Variants in PHF20L1 observed in about 807,000 individuals in gnomAD.
PHF20L1 encodes PHD finger protein 20 like 1, also known as PHD finger protein 20-like protein 1.
PHF20L1 carries 44 observed loss-of-function variants against 125.5 expected under a neutral mutation model. That is an observed-to-expected ratio of 0.35 (90% confidence interval 0.28 to 0.45). The LOEUF (loss-of-function observed/expected upper bound fraction) is 0.45, where lower values mean the gene tolerates loss of function less well. PHF20L1 is among the 20% of genes least tolerant of loss of function. The probability of loss-of-function intolerance (pLI) is 1.00; values close to 1 mark genes in which losing one functional copy is unlikely to be tolerated. For missense variants in PHF20L1, 1,012 were observed against 1,217.2 expected, an observed-to-expected ratio of 0.83 and a Z score of 2.51; for synonymous variants, 380 against 403.1, an observed-to-expected ratio of 0.94 and a Z score of 0.69.
At chr8:132,812,414 C>G in intron 9 of PHF20L1, 1 of 984,800 alleles carries the variant, frequency 1.0e-6, no homozygotes, top group African/African-American at 1.7e-5. Context: ...AGGGCAGTAC[C>G]CGTCTTAGAG....
intron 9 of PHF20L1, chr8:132,812,764 C>G: frequency 1.0e-6 from 1 of 983,288 alleles, no homozygotes; most frequent in Non-Finnish European, 1.2e-6. Context: ...CAGCAATAGA[C>G]CTAAAGGAGA....
At chr8:132,837,057 A>T (rs1313684189) in intron 16 of PHF20L1, among the ~76,000 whole-genome samples, 4 of 152,108 alleles carry the variant, frequency 2.6e-5, no homozygotes, top group Non-Finnish European at 4.4e-5. Context: ...GAATTATTAT[A>T]ATAATAATTT....
chr8:132,825,056 C>T (rs1275418433), intron 13 of PHF20L1: 1 of 1,472,604 alleles, frequency 6.8e-7, no homozygotes, highest in East Asian at 3.0e-5. Flanking sequence ...TGGGATTTCT[C>T]AGCACTGCTA....
chr8:132,804,586 C>T, intron 7 of PHF20L1, 29 bp from the exon 8 acceptor site: 1 of 1,550,814 alleles, frequency 6.4e-7, no homozygotes, highest in Non-Finnish European at 8.8e-7. Flanking sequence ...TCTAGATAAA[C>T]TCTCATATAT....
chr8:132,807,442 C>T (rs1000669834), intron 8 of PHF20L1: 1 of 194,794 alleles, frequency 5.1e-6, no homozygotes. Context: ...TGATCTGTTT[C>T]TAATAGGCTC....
chr8:132,792,914 CTT>C (rs1189450995), intron 2 of PHF20L1, among the ~76,000 whole-genome samples: 1 of 150,152 alleles, frequency 6.7e-6, no homozygotes, highest in African/African-American at 2.4e-5. Flanking sequence ...TGCAGCCTAA[CTT>C]TTTTTAATCC....
rs1257720420 is a variant in PHF20L1 at position 132,782,348 on chromosome 8, G to C, written c.83+4437G>C. ...GCAGTATTACTGGCTTTTATTTAGA[G>C]GTTGGTTTTTAAGGTTCAAATAAAA... On this transcript the variant is annotated intron_variant, in intron 2 of 20. Transcript: ENST00000395386. 2.6e-5 allele frequency among the ~76,000 whole-genome samples: 4 copies of C among 152,216 alleles called. No homozygotes were observed. The East Asian group carries it at 7.7e-4, about 29-fold the overall frequency.
At chr8:132,845,583 A>G (rs1326426853) in intron 20 of PHF20L1, among the ~76,000 whole-genome samples, 198 bp from the exon 21 acceptor site, 1 of 152,036 alleles carries the variant, frequency 6.6e-6, no homozygotes, top group Non-Finnish European at 1.5e-5. Flanking sequence ...ACAGATAAAA[A>G]TTGCCAAGAG....
intron 4 of PHF20L1, among the ~76,000 whole-genome samples, chr8:132,797,630 C>T (rs750144537): frequency 3.3e-5 from 5 of 152,012 alleles, no homozygotes; most frequent in Admixed American, 6.6e-5. Context: ...TTTCCATTGT[C>T]TTTACATCCT....
intron 16 of PHF20L1, among the ~76,000 whole-genome samples, chr8:132,836,956 A>G (rs1011869285): frequency 6.6e-6 from 1 of 152,088 alleles, no homozygotes; most frequent in Non-Finnish European, 1.5e-5. Context: ...AGTGCCTTCA[A>G]ACTGAAACTC....
chr8:132,813,980 G>GTT (rs137863501), intron 9 of PHF20L1, among the ~76,000 whole-genome samples: 1 of 146,696 alleles, frequency 6.8e-6, no homozygotes, highest in South Asian at 2.1e-4. Flanking sequence ...TATCTCTTTG[G>GTT]TTTTTTTTTT....
At chr8:132,784,190 T>G (rs1262596339) in intron 2 of PHF20L1, among the ~76,000 whole-genome samples, 1 of 152,214 alleles carries the variant, frequency 6.6e-6, no homozygotes, top group African/African-American at 2.4e-5. Flanking sequence ...GGTTTCGGGT[T>G]GTTCTTGCTC....
Position 132,803,803 on chromosome 8 carries a change from T to TG in PHF20L1, c.508-15dup. The TG allele has an allele frequency of 2.8e-6, 4 of 1,450,806 alleles. No individual in the cohort carries two copies. Among genetic ancestry groups the TG allele is most frequent in the Non-Finnish European group, 3.8e-6 (4 of 1,042,434 alleles). The allele number at this position is 1,450,806 out of a possible 1,614,324, so 89.9% of individuals were successfully genotyped here. A position where few individuals can be genotyped will look rare whatever the true frequency, so the allele number is the denominator to read the frequency against. On this transcript the variant is annotated splice_polypyrimidine_tract_variant and intron_variant, in intron 6 of 20. Coordinates refer to ENST00000395386, the MANE Select transcript of PHF20L1 (RefSeq NM_016018.5). ...AATTTTTAATACTTCACATGTTTTGTGTTTTTCCTTTGGAGGATTGGATAG... is the reference window on the plus strand; with the variant it reads ...AATTTTTAATACTTCACATGTTTTGTGGTTTTTCCTTTGGAGGATTGGATAG...
Position 132,847,016 on chromosome 8 carries a change from G to A in PHF20L1, c.*1093G>A, listed in dbSNP as rs932151272. On this transcript the variant is annotated 3_prime_UTR_variant, in exon 21 of 21. Coordinates refer to ENST00000395386, the MANE Select transcript of PHF20L1 (RefSeq NM_016018.5). ...AAAACTTTTAGCTTTGATCACAAGT[G>A]GACAAATTTCTGAAACCAAAGGCAA... is the stretch of plus-strand genomic sequence containing the variant. 6.6e-6 allele frequency: 1 copy of A among 152,452 alleles called. No individual in the cohort carries two copies. The highest frequency in any genetic ancestry group is 1.5e-5 in the Non-Finnish European group (1 of 67,970). 9.4% of individuals were successfully genotyped at this position (152,452 alleles called of 1,614,324 possible).
At chr8:132,831,273 C>A (rs1379806581) in intron 14 of PHF20L1, among the ~76,000 whole-genome samples, 12 of 152,050 alleles carry the variant, frequency 7.9e-5, no homozygotes, top group Non-Finnish European at 1.5e-5. Context: ...CTCCCTTATT[C>A]ACTGTGTTCC....
chr8:132,794,954 G>T, intron 4 of PHF20L1, 137 bp downstream of exon 4: 1 of 611,300 alleles, frequency 1.6e-6, no homozygotes. Context: ...TTTTTCGGGA[G>T]CATTTGATTT....
chr8:132,783,431 G>A (rs1201818136), intron 2 of PHF20L1, among the ~76,000 whole-genome samples: 1 of 152,112 alleles, frequency 6.6e-6, no homozygotes, highest in Non-Finnish European at 1.5e-5. Context: ...ATTGTAGCAA[G>A]TACAAATACT....
chr8:132,840,413 T>C (rs904110994), intron 18 of PHF20L1, among the ~76,000 whole-genome samples: 1 of 152,160 alleles, frequency 6.6e-6, no homozygotes, highest in Non-Finnish European at 1.5e-5. Flanking sequence ...GCTTGTCCAT[T>C]CTCTGTGGGT....
intron 19 of PHF20L1, 42 bp from the exon 20 acceptor site, chr8:132,844,114 T>C (rs769058796): frequency 5.6e-6 from 9 of 1,608,170 alleles, no homozygotes; most frequent in South Asian, 2.2e-5. Flanking sequence ...CTGCATTTCA[T>C]CCCGTTCTTT....
Sources: allele counts gnomAD v4.1 joint callset (sites outside exome capture counted in the v4.1 genomes callset), GRCh38; gene constraint gnomAD v4.1.1; transcripts MANE v1.5; gene names NCBI Gene and HGNC (gene_info 2026-07-23, HGNC 2026-07-21).